Variants in ANKRD40 observed in about 807,000 individuals in gnomAD.
ANKRD40 encodes the protein ankyrin repeat domain 40.
ANKRD40 carries 24 observed loss-of-function variants against 35.5 expected under a neutral mutation model. The observed-to-expected ratio is 0.68, with a 90% CI of 0.49 to 0.95. The LOEUF is 0.95. ANKRD40 is among the 40% of genes least tolerant of loss of function. ANKRD40 has a pLI of 0.00. For synonymous variants in ANKRD40, 147 were observed against 173.5 expected, an observed-to-expected ratio of 0.85 and a Z score of 1.20; for missense variants, 361 against 436.0, an observed-to-expected ratio of 0.83 and a Z score of 1.53.
At chr17:50,700,447 A>G (rs545815271) in intron 2 of ANKRD40, 121 bp downstream of exon 2, 2 of 702,182 alleles carry the variant, frequency 2.8e-6, no homozygotes, top group South Asian at 3.5e-5. Flanking sequence ...CCGTCTCGGA[A>G]AAAAAAAAAA....
intron 1 of ANKRD40, among the ~76,000 whole-genome samples, chr17:50,705,549 A>T (rs113713038): frequency 2.0e-5 from 3 of 151,636 alleles, no homozygotes; most frequent in Non-Finnish European, 4.4e-5. Flanking sequence ...GGATCTCACT[A>T]TGTTGCCCAG....
At chr17:50,700,427 G>A (rs535583220) in intron 2 of ANKRD40, 141 bp downstream of exon 2, 10 of 920,114 alleles carry the variant, frequency 1.1e-5, no homozygotes, top group Non-Finnish European at 1.6e-5. Context: ...TGGGCAACAA[G>A]AGCTAAACTC....
At chr17:50,702,967 A>G (rs945789289) in intron 1 of ANKRD40, among the ~76,000 whole-genome samples, 3 of 152,220 alleles carry the variant, frequency 2.0e-5, no homozygotes, top group African/African-American at 7.2e-5. Flanking sequence ...AGATTACTCT[A>G]TCTTTGAACT....
rs1397391593 is a variant in ANKRD40, at chr17:50,694,756, T to A, written c.*1241A>T. ...GAACAAAGTCTGGTAGACTCATAAC[T>A]GACTTTGTGAAGTGAATTGGTGGTA... On this transcript the variant is annotated 3_prime_UTR_variant, in exon 5 of 5. Transcript: ENST00000285243. The A allele has an allele frequency of 6.6e-6, 1 of 152,240 alleles. No homozygotes were observed. Among genetic ancestry groups the A allele is most frequent in the African/African-American group, 2.4e-5 (1 of 41,460 alleles). The allele number at this position is 152,240 out of a possible 1,614,324, so 9.4% of individuals were successfully genotyped here.
chr17:50,702,230 C>T (rs944137108), intron 1 of ANKRD40, among the ~76,000 whole-genome samples: 3 of 152,072 alleles, frequency 2.0e-5, no homozygotes, highest in African/African-American at 7.2e-5. Context: ...TAGGGTGAAA[C>T]CCCATCTCTA....
intron 3 of ANKRD40, among the ~76,000 whole-genome samples, chr17:50,697,869 T>A (rs1292190345): frequency 6.6e-6 from 1 of 152,166 alleles, no homozygotes; most frequent in Non-Finnish European, 1.5e-5. Flanking sequence ...AAACAGGAAG[T>A]GAGAGAGTTA....
In ANKRD40 at chr17:50,699,696, G is replaced by C; in HGVS notation, c.481C>G (p.Pro161Ala). 1 of 1,614,120 alleles carries C rather than the reference G, an allele frequency of 6.2e-7. No individual in the cohort carries two copies. Among genetic ancestry groups the C allele is most frequent in the South Asian group, 1.1e-5 (1 of 91,084 alleles). ...PPASPPADGS[P>A]PLLPPGEPPL... ...GGTTCCCCAGGGGGAAGCAATGGAG[G>C]TGAGCCATCTGCAGGGGGTGATGCA... is the stretch of plus-strand genomic sequence containing the variant. The change falls in exon 3 of 5, where the codon CCT (proline) becomes GCT (alanine). Residue 161 changes from proline (P) to alanine (A), a missense_variant. By Grantham distance (27) the Pro-to-Ala change is conservative. This residue lies in a region of ANKRD40 where 172 missense variants were observed against 174.0 expected (regional missense o/e 0.99). Transcript: ENST00000285243.
At chr17:50,706,896 C>G (rs1455004485) in intron 1 of ANKRD40, among the ~76,000 whole-genome samples, 2 of 92,828 alleles carry the variant, frequency 2.2e-5, no homozygotes, top group African/African-American at 8.9e-5. Context: ...AGGGCAAGAC[C>G]CTGTCTCAAA....
chr17:50,697,118 AGCTCT>A lies in ANKRD40; in HGVS notation c.779-2_781del, dbSNP rs1360226151. 4.3e-6 allele frequency: 7 copies of A among 1,609,792 alleles called. No individual in the cohort carries two copies. The Admixed American group carries it at 5.1e-5, about 12-fold the overall frequency. ...GTTCTGAATTCTCACCTTGAGTACCAGCTCTAGAAAAAAAAGGAGAAATGTTAATG... is the reference window on the plus strand; with the variant it reads ...GTTCTGAATTCTCACCTTGAGTACCAAGAAAAAAAAGGAGAAATGTTAATG... On this transcript the variant is annotated splice_acceptor_variant and coding_sequence_variant, in exon 4 of 5. Coordinates refer to ENST00000285243, the MANE Select transcript of ANKRD40 (RefSeq NM_052855.4). LOFTEE classifies it high-confidence loss of function.
At chr17:50,700,526 T>C (rs752246808) in intron 2 of ANKRD40, 42 bp downstream of exon 2, 1 of 1,598,506 alleles carries the variant, frequency 6.3e-7, no homozygotes. Flanking sequence ...AAGTCTTCAA[T>C]GAGTCTGAGG....
Position 50,707,643 on chromosome 17 carries a change from G to A in ANKRD40, c.12C>T (p.Leu4=), listed in dbSNP as rs925052519. ...TCTCCTGCTGCTCCTTCTGCTCTAG[G>A]AGGGCGTTCATCTTCCCACAGCCCC... is the stretch of plus-strand genomic sequence containing the variant. MNA[L]LEQKEQQERL... is the part of the protein sequence containing the mutation. Residue 4 remains leucine (L), a synonymous_variant, in exon 1 of 5, where the codon CTC becomes CTT. Transcript: ENST00000285243. This position sits in a 1 kb window ranked among gnomAD's most constrained non-coding sequence, Gnocchi z 4.8. 6.4e-7 allele frequency: 1 copy of A among 1,571,998 alleles called. No homozygotes were observed. The highest frequency in any genetic ancestry group is 1.1e-5 in the South Asian group (1 of 87,694).
Position 50,699,563 on chromosome 17 carries a change from G to T in ANKRD40, c.614C>A (p.Pro205Gln), listed in dbSNP as rs575400685. 1.2e-6 allele frequency: 2 copies of T among 1,614,068 alleles called. No individual in the cohort carries two copies. Among genetic ancestry groups the T allele is most frequent in the African/African-American group, 2.7e-5 (2 of 74,916 alleles). Residue 205 changes from proline to glutamine, a missense_variant, in exon 3 of 5, where the codon CCG (proline) becomes CAG (glutamine). Physicochemically the swap from Pro to Gln is moderately conservative, Grantham distance 76. Around this residue, in one of 5 missense-constraint regions of ANKRD40, gnomAD observed 172 missense variants for 174.0 expected, o/e 0.99. Transcript: ENST00000285243. ...AILRTPESTKPGPVCQPPVSQ... is the reference protein window; with the variant it reads ...AILRTPESTKQGPVCQPPVSQ... ...CACTGGTGGCTGACAAACAGGACCC[G>T]GTTTTGTGCTTTCTGGTGTTCTGAG...
At chr17:50,696,268 C>T in intron 4 of ANKRD40, 125 bp from the exon 5 acceptor site, 3 of 1,107,732 alleles carry the variant, frequency 2.7e-6, no homozygotes, top group Non-Finnish European at 3.8e-6. Context: ...ATCCCTGTGG[C>T]AGGCTAAGTC....
rs892783050 is a variant in ANKRD40 at position 50,704,515 on chromosome 17, CAAAAAAAAAA to C, written c.134+2996_134+3005del. Among the ~76,000 whole-genome samples, 105 of 40,204 alleles carry C rather than the reference CAAAAAAAAAA, an allele frequency of 2.6e-3. 4 individuals carry two copies. The Middle Eastern group carries it at 0.068, about 26-fold the overall frequency. 26.4% of individuals were successfully genotyped at this position (40,204 alleles called of 152,430 possible). A position where few individuals can be genotyped will look rare whatever the true frequency, so the allele number is the denominator to read the frequency against. On this transcript the variant is annotated intron_variant, in intron 1 of 4. Transcript: ENST00000285243. Reference sequence around the variant, plus strand: ...GGGTGACAAGAGTGAAACTCCATCTCAAAAAAAAAAAAAAAAAAAAAAACCTATAAGAAGC... The same window carrying C: ...GGGTGACAAGAGTGAAACTCCATCTCAAAAAAAAAAAAACCTATAAGAAGC...
In ANKRD40 at chr17:50,704,618, G is replaced by A. The variant is rs1473158638; in HGVS notation, c.134+2903C>T. Among the ~76,000 whole-genome samples, 5 of 152,114 alleles carry A rather than the reference G, an allele frequency of 3.3e-5. No individual in the cohort carries two copies. In the South Asian group the frequency reaches 1.0e-3, roughly 32 times the overall value. On this transcript the variant is annotated intron_variant, in intron 1 of 4. Transcript: ENST00000285243. ...TGGGGCAGACATTGTGTTTAGGAGG[G>A]TAGGTCTGGCATCAGATACCAGGTT...
In ANKRD40 at chr17:50,694,493, G is replaced by T. The variant is rs538735934; in HGVS notation, c.*1504C>A. Reference sequence around the variant, plus strand: ...AAACTATAGGCACTATGGGGAAAAAGCTTCTTAAGACAGCAGGGATGCTCT... The same window carrying T: ...AAACTATAGGCACTATGGGGAAAAATCTTCTTAAGACAGCAGGGATGCTCT... On this transcript the variant is annotated 3_prime_UTR_variant, in exon 5 of 5. Transcript: ENST00000285243. 1.3e-5 allele frequency: 2 copies of T among 152,336 alleles called. No homozygotes were observed. The highest frequency in any genetic ancestry group is 4.8e-5 in the African/African-American group (2 of 41,582). The allele number at this position is 152,336 out of a possible 1,614,324, so 9.4% of individuals were successfully genotyped here. A position where few individuals can be genotyped will look rare whatever the true frequency, so the allele number is the denominator to read the frequency against.
intron 1 of ANKRD40, 45 bp from the exon 2 acceptor site, chr17:50,700,761 T>G (rs150966891): frequency 7.5e-5 from 117 of 1,563,144 alleles, no homozygotes; most frequent in Admixed American, 6.8e-4. Context: ...GAAGTGATTT[T>G]GGATTTCAGA....
At chr17:50,704,781 G>C (rs1189180064) in intron 1 of ANKRD40, among the ~76,000 whole-genome samples, 1 of 152,046 alleles carries the variant, frequency 6.6e-6, no homozygotes, top group African/African-American at 2.4e-5. Context: ...ATGTCCCCAG[G>C]TAGTTGTGAA....
At chr17:50,706,383 G>A (rs1156945408) in intron 1 of ANKRD40, among the ~76,000 whole-genome samples, 1 of 152,040 alleles carries the variant, frequency 6.6e-6, no homozygotes, top group Admixed American at 6.6e-5. Context: ...GCCTCCCAAA[G>A]TGCTACTCAC....
Sources: gnomAD v4.1 joint callset for allele counts (sites outside exome capture counted in the v4.1 genomes callset) on GRCh38, gnomAD v4.1.1 for gene constraint, gnomAD v4.1.1 regional missense constraint, Gnocchi (gnomAD v3.1) non-coding constraint, MANE v1.5 for transcripts, NCBI Gene and HGNC (gene_info 2026-07-23, HGNC 2026-07-21) for gene names.